GNG12: variants seen among roughly 807,000 people sequenced by gnomAD.
GNG12 encodes the protein guanine nucleotide-binding protein G(I)/G(S)/G(O) subunit gamma-12.
For synonymous variants in GNG12, 28 were observed against 29.7 expected (o/e 0.94, Z 0.19); for missense variants, 69 against 83.8 (o/e 0.82, Z 0.69).
At chr1:67,794,155 CT>C (rs1452297650) in intron 1 of GNG12, among the ~76,000 whole-genome samples, 1 of 152,200 alleles carries the variant, frequency 6.6e-6, no homozygotes, top group Non-Finnish European at 1.5e-5. Context: ...TCTGCTTTTG[CT>C]TCCCGCTTAT....
chr1:67,815,838 C>G (rs114327156), intron 1 of GNG12, among the ~76,000 whole-genome samples: 1 of 152,116 alleles, frequency 6.6e-6, no homozygotes, highest in African/African-American at 2.4e-5. Flanking sequence ...GGCCAAATCC[C>G]GAGTTCTCCT....
At chr1:67,758,130 C>G (rs114581979) in intron 2 of GNG12, among the ~76,000 whole-genome samples, 1 of 152,254 alleles carries the variant, frequency 6.6e-6, no homozygotes, top group South Asian at 2.1e-4. Context: ...CACGACCACA[C>G]CCCTGGCTAA....
At chr1:67,757,832 T>C (rs1353352300) in intron 2 of GNG12, among the ~76,000 whole-genome samples, 1 of 151,890 alleles carries the variant, frequency 6.6e-6, no homozygotes, top group East Asian at 1.9e-4. Flanking sequence ...CACTGGGGAG[T>C]GTTGGGAAGT....
At chr1:67,723,780 T>C (rs748869864) in intron 2 of GNG12, among the ~76,000 whole-genome samples, 10 of 152,252 alleles carry the variant, frequency 6.6e-5, no homozygotes, top group Non-Finnish European at 1.2e-4. Flanking sequence ...TGGCTCCTGA[T>C]TCTATGCTCT....
intron 1 of GNG12, among the ~76,000 whole-genome samples, chr1:67,789,887 G>A (rs954967990): frequency 7.2e-5 from 11 of 152,200 alleles, no homozygotes; most frequent in Non-Finnish European, 1.5e-4. Flanking sequence ...GATGTGTGAG[G>A]TGGGTGTGCT....
At position 67,705,534 on chromosome 1, in the gene GNG12, G is replaced by A. The variant is rs146253708; in HGVS notation, c.136C>T (p.His46Tyr). 4 of 1,613,768 alleles carry A rather than the reference G, an allele frequency of 2.5e-6. No homozygotes were observed. The African/African-American group carries it at 5.3e-5, about 22-fold the overall frequency. ...ATCAGCAAAGGGTCACTCCTGGCAT[G>A]TTCCTCACAGTAGGACATGAGGTCC... is the stretch of plus-strand genomic sequence containing the variant. ...SADLMSYCEE[H>Y]ARSDPLLIGI... Residue 46 changes from histidine (H) to tyrosine (Y), a missense_variant, in exon 4 of 4, where the codon CAT (histidine) becomes TAT (tyrosine). By Grantham distance (83) the His-to-Tyr change is moderately conservative. Coordinates refer to ENST00000370982, the MANE Select transcript of GNG12 (RefSeq NM_018841.6).
chr1:67,826,172 G>A (rs1042437287), intron 1 of GNG12, among the ~76,000 whole-genome samples: 2 of 152,216 alleles, frequency 1.3e-5, no homozygotes, highest in Non-Finnish European at 2.9e-5. Flanking sequence ...GAGGACTACT[G>A]TGGCTACAGG....
rs192880809 is a variant in GNG12, at chr1:67,757,932, T to G, written c.-27+19526A>C. On this transcript the variant is annotated intron_variant, in intron 2 of 3. Transcript: ENST00000370982. ...CATAAACGAGTCTCTGTGCTCAGAA[T>G]CGCAGGTCTGAAAAGGAGGTTTTAG... Among the ~76,000 whole-genome samples, 9 of 152,318 alleles carry G rather than the reference T, an allele frequency of 5.9e-5. No homozygotes were observed. The East Asian group carries it at 1.7e-3, about 29-fold the overall frequency.
intron 2 of GNG12, among the ~76,000 whole-genome samples, chr1:67,728,424 G>A (rs1646399626): frequency 6.6e-6 from 1 of 152,172 alleles, no homozygotes; most frequent in Non-Finnish European, 1.5e-5. Context: ...CCCAACAAAG[G>A]AGAACAACAG....
Position 67,803,387 on chromosome 1 carries a change from T to C in GNG12, c.-76-25880A>G, listed in dbSNP as rs1036517598. Among the ~76,000 whole-genome samples, 6 of 152,282 alleles carry C rather than the reference T, an allele frequency of 3.9e-5. No homozygotes were observed. The East Asian group carries it at 1.2e-3, about 29-fold the overall frequency. ...AAAATTTTTTTTAAGTTAATTTATC[T>C]TAATGTTTCTCCTTATATGGTGACA... On this transcript the variant is annotated intron_variant, in intron 1 of 3. Coordinates refer to ENST00000370982, the MANE Select transcript of GNG12 (RefSeq NM_018841.6).
chr1:67,719,730 C>A (rs1247350100), intron 2 of GNG12, among the ~76,000 whole-genome samples: 1 of 152,168 alleles, frequency 6.6e-6, no homozygotes, highest in Non-Finnish European at 1.5e-5. Flanking sequence ...GTTTATCATA[C>A]CTACTGAGAT....
chr1:67,728,711 G>T (rs1163773645), intron 2 of GNG12, among the ~76,000 whole-genome samples: 1 of 152,154 alleles, frequency 6.6e-6, no homozygotes, highest in Non-Finnish European at 1.5e-5. Context: ...GCTTATGGGA[G>T]AGAGGCAGGG....
rs587534 is a variant in GNG12 at position 67,754,480 on chromosome 1, G to C, written c.-27+22978C>G. 9.8e-3 allele frequency among the ~76,000 whole-genome samples: 1,487 copies of C among 152,184 alleles called. 29 individuals carry two copies. The highest frequency in any genetic ancestry group is 0.034 in the African/African-American group (1,431 of 41,496). ...CGCCACCTCAATATTTCTCAAATTA[G>C]TATATTTTTACCCCACTGCCCCACC... On this transcript the variant is annotated intron_variant, in intron 2 of 3. Coordinates refer to ENST00000370982, the MANE Select transcript of GNG12 (RefSeq NM_018841.6).
At position 67,710,073 on chromosome 1, in the gene GNG12, T is replaced by G. The variant is rs1646281400; in HGVS notation, c.-26-2361A>C. Among the ~76,000 whole-genome samples the G allele has an allele frequency of 6.9e-5, 3 of 43,460 alleles. No individual in the cohort carries two copies. The South Asian group carries it at 2.4e-3, about 35-fold the overall frequency. 28.5% of individuals were successfully genotyped at this position (43,460 alleles called of 152,430 possible). A position where few individuals can be genotyped will look rare whatever the true frequency, so the allele number is the denominator to read the frequency against. On this transcript the variant is annotated intron_variant, in intron 2 of 3. Transcript: ENST00000370982. ...AGTTATATATATATAGTTATATATA[T>G]AGTTATATATATATAGTTATATATA...
At chr1:67,780,288 T>A (rs1646730320) in intron 1 of GNG12, among the ~76,000 whole-genome samples, 1 of 152,198 alleles carries the variant, frequency 6.6e-6, no homozygotes, top group Admixed American at 6.6e-5. Flanking sequence ...GTTACATGGC[T>A]TGTAAGTGGC....
chr1:67,797,712 A>T (rs1019022890), intron 1 of GNG12, among the ~76,000 whole-genome samples: 1 of 152,192 alleles, frequency 6.6e-6, no homozygotes, highest in Non-Finnish European at 1.5e-5. Context: ...TGACCTAGAA[A>T]ATAGGATGGG....
chr1:67,783,259 G>A (rs1646747365), intron 1 of GNG12, among the ~76,000 whole-genome samples: 1 of 152,130 alleles, frequency 6.6e-6, no homozygotes, highest in South Asian at 2.1e-4. Context: ...GGATAGTTAA[G>A]TTACTGCCAG....
chr1:67,771,854 A>C (rs927553827), intron 2 of GNG12, among the ~76,000 whole-genome samples: 1 of 152,232 alleles, frequency 6.6e-6, no homozygotes, highest in Admixed American at 6.5e-5. Context: ...AGAGCCTGGC[A>C]TTAGGTAAAT....
intron 1 of GNG12, among the ~76,000 whole-genome samples, chr1:67,820,906 T>G (rs1367837711): frequency 6.6e-6 from 1 of 152,246 alleles, no homozygotes; most frequent in Non-Finnish European, 1.5e-5. Context: ...GAAATAAGTT[T>G]AATTGATATT....
Sources: gnomAD v4.1 joint callset for allele counts (sites outside exome capture counted in the v4.1 genomes callset) on GRCh38, gnomAD v4.1.1 for gene constraint, MANE v1.5 for transcripts, NCBI Gene and HGNC (gene_info 2026-07-23, HGNC 2026-07-21) for gene names.